Variants in SLC6A6 observed in about 807,000 individuals in gnomAD.
SLC6A6 encodes the protein sodium- and chloride-dependent taurine transporter.
Under a neutral mutation model 68.8 loss-of-function variants are expected in SLC6A6, and 16 were observed. The observed-to-expected ratio is 0.23, with a 90% CI of 0.16 to 0.35. The LOEUF (loss-of-function observed/expected upper bound fraction) is 0.35, where lower values mean the gene tolerates loss of function less well. Ranked by LOEUF, SLC6A6 falls within the 10% of genes least tolerant of loss-of-function variation. The pLI, the probability that SLC6A6 is intolerant of heterozygous loss-of-function variation, is 1.00. For synonymous variants in SLC6A6, 312 were observed against 315.4 expected (o/e 0.99, Z 0.12); for missense variants, 474 against 802.8 (o/e 0.59, Z 4.95).
rs112323461 is a variant in SLC6A6 at position 14,469,807 on chromosome 3, C to T, written c.1096+1595C>T. On this transcript the variant is annotated intron_variant, in intron 9 of 14. Coordinates refer to ENST00000622186, the MANE Select transcript of SLC6A6 (RefSeq NM_003043.6). ...ACACTGCCCAGCCCCATCCTGAGAC[C>T]CCTGACAACACTGCAGGACCCCCTT... Among the ~76,000 whole-genome samples, 543 of 152,234 alleles carry T rather than the reference C, an allele frequency of 3.6e-3. 3 individuals are homozygous for T. The highest frequency in any genetic ancestry group is 0.013 in the African/African-American group (525 of 41,518).
At chr3:14,403,790 A>G (rs371750854) in intron 1 of SLC6A6, among the ~76,000 whole-genome samples, 13 of 152,350 alleles carry the variant, frequency 8.5e-5, no homozygotes, top group African/African-American at 2.6e-4. Flanking sequence ...GAAGCCACAC[A>G]GAGAGAATTC....
chr3:14,407,050 C>G (rs1699125657), intron 1 of SLC6A6, among the ~76,000 whole-genome samples: 1 of 105,264 alleles, frequency 9.5e-6, no homozygotes, highest in Non-Finnish European at 2.2e-5. Context: ...TAAAGTTTTT[C>G]TTGTGGTTTT....
intron 2 of SLC6A6, among the ~76,000 whole-genome samples, chr3:14,442,572 C>T (rs143762050): frequency 9.8e-5 from 15 of 152,336 alleles, no homozygotes; most frequent in East Asian, 9.6e-4. Context: ...TCTGCACAGA[C>T]GGCCACACTG....
At chr3:14,412,404 G>T (rs1699270542) in intron 1 of SLC6A6, among the ~76,000 whole-genome samples, 1 of 152,206 alleles carries the variant, frequency 6.6e-6, no homozygotes, top group African/African-American at 2.4e-5. Context: ...ACTCGTCCAG[G>T]TGTGGTGGCT....
At chr3:14,434,894 AAGG>A (rs1439468791) in intron 2 of SLC6A6, among the ~76,000 whole-genome samples, 2 of 152,162 alleles carry the variant, frequency 1.3e-5, no homozygotes, top group Admixed American at 1.3e-4. Flanking sequence ...TGCCACTTCC[AAGG>A]AGATGATAAA....
intron 5 of SLC6A6, among the ~76,000 whole-genome samples, chr3:14,454,378 G>A (rs1353969697): frequency 1.3e-5 from 2 of 152,078 alleles, no homozygotes; most frequent in East Asian, 1.9e-4. Flanking sequence ...GCGCCATGGC[G>A]TTCCCTCGGC....
intron 2 of SLC6A6, among the ~76,000 whole-genome samples, chr3:14,442,311 C>T (rs560466488): frequency 1.3e-5 from 2 of 152,380 alleles, no homozygotes; most frequent in Admixed American, 1.3e-4. Flanking sequence ...CTGCTTGGCT[C>T]TGAGTCAGCC....
chr3:14,420,754 G>A (rs1699467283), intron 2 of SLC6A6, among the ~76,000 whole-genome samples: 1 of 152,116 alleles, frequency 6.6e-6, no homozygotes, highest in Non-Finnish European at 1.5e-5. Context: ...AAAGTTCTGG[G>A]ATTACAGGCA....
chr3:14,458,548 A>G (rs1388340525), intron 6 of SLC6A6, among the ~76,000 whole-genome samples: 1 of 152,250 alleles, frequency 6.6e-6, no homozygotes, highest in Non-Finnish European at 1.5e-5. Context: ...AGAGGGGGCC[A>G]CAAGCATTCC....
At chr3:14,469,909 C>T (rs996293159) in intron 9 of SLC6A6, among the ~76,000 whole-genome samples, 2 of 152,186 alleles carry the variant, frequency 1.3e-5, no homozygotes, top group African/African-American at 4.8e-5. Context: ...GTACTGTTCC[C>T]TCCACTGAGC....
intron 2 of SLC6A6, among the ~76,000 whole-genome samples, chr3:14,432,319 C>G (rs558165358): frequency 6.6e-6 from 1 of 152,362 alleles, no homozygotes; most frequent in South Asian, 2.1e-4. Context: ...GGCTCATGGT[C>G]TACCCTACCC....
At chr3:14,437,994 A>ATTTTTTTTT (rs34038422) in intron 2 of SLC6A6, among the ~76,000 whole-genome samples, 169 of 118,258 alleles carry the variant, frequency 1.4e-3, no homozygotes, top group East Asian at 3.8e-3. Flanking sequence ...CATCTGGCTA[A>ATTTTTTTTT]TTTTTTTTTT....
rs1338494803 is a variant in SLC6A6 at position 14,457,984 on chromosome 3, C to T, written c.634C>T (p.His212Tyr). ...GCTGAGCTTGTCCCCTGGAATCGAC[C>T]ACCCAGGCTCTCTGAAATGGGACCT... ...NVLSLSPGID[H>Y]PGSLKWDLAL... The change falls in exon 6 of 15, where the codon CAC becomes TAC. Residue 212 changes from histidine (H) to tyrosine (Y), a missense_variant. Around this residue, in one of 2 missense-constraint regions of SLC6A6, gnomAD observed 280 missense variants for 533.1 expected, o/e 0.53. Coordinates refer to ENST00000622186, the MANE Select transcript of SLC6A6 (RefSeq NM_003043.6). 1.2e-6 allele frequency: 2 copies of T among 1,614,022 alleles called. No homozygotes were observed. The highest frequency in any genetic ancestry group is 1.7e-6 in the Non-Finnish European group (2 of 1,179,844).
At position 14,472,168 on chromosome 3, in the gene SLC6A6, C is replaced by A; in HGVS notation, c.1097-37C>A. On this transcript the variant is annotated intron_variant, in intron 9 of 14. Transcript: ENST00000622186. The surrounding 1 kb of genome is among the most constrained non-coding windows in gnomAD (Gnocchi z 4.5). ...CCAGTGGCTTGGTGGCTGATGTCTC[C>A]TCCCCTGTGCCCCTCCCCGTTTTCT... is the stretch of plus-strand genomic sequence containing the variant. 1 of 1,314,880 alleles carries A rather than the reference C, an allele frequency of 7.6e-7. No homozygotes were observed. The highest frequency in any genetic ancestry group is 1.1e-6 in the Non-Finnish European group (1 of 908,044). The allele number at this position is 1,314,880 out of a possible 1,614,324, so 81.5% of individuals were successfully genotyped here.
chr3:14,429,698 C>T (rs1699680247), intron 2 of SLC6A6, among the ~76,000 whole-genome samples: 1 of 152,192 alleles, frequency 6.6e-6, no homozygotes, highest in Non-Finnish European at 1.5e-5. Flanking sequence ...AAAATTCAGT[C>T]AGTAGGGCTG....
At chr3:14,476,551 AT>A (rs940761569) in intron 10 of SLC6A6, among the ~76,000 whole-genome samples, 2 of 152,200 alleles carry the variant, frequency 1.3e-5, no homozygotes, top group African/African-American at 4.8e-5. Flanking sequence ...AAGTCCTCTC[AT>A]GGGCTTGTGA....
At position 14,468,300 on chromosome 3, in the gene SLC6A6, G is replaced by C. The variant is rs1700666931; in HGVS notation, c.1096+88G>C. 1 of 1,183,584 alleles carries C rather than the reference G, an allele frequency of 8.4e-7. No homozygotes were observed. Among genetic ancestry groups the C allele is most frequent in the African/African-American group, 1.6e-5 (1 of 63,472 alleles). 73.3% of individuals were successfully genotyped at this position (1,183,584 alleles called of 1,614,324 possible). A position where few individuals can be genotyped will look rare whatever the true frequency, so the allele number is the denominator to read the frequency against. ...CAGGCATGAAGCCAGACCCCAGGGG[G>C]CTTTGAGGGGGGACGAGCCTGGTTT... On this transcript the variant is annotated intron_variant, in intron 9 of 14. Transcript: ENST00000622186. This position sits in a 1 kb window ranked among gnomAD's most constrained non-coding sequence, Gnocchi z 4.5.
At chr3:14,438,155 T>C (rs1699902743) in intron 2 of SLC6A6, among the ~76,000 whole-genome samples, 1 of 152,098 alleles carries the variant, frequency 6.6e-6, no homozygotes, top group Non-Finnish European at 1.5e-5. Flanking sequence ...CACTTTTTCT[T>C]TTTTTAAAAC....
In SLC6A6 at chr3:14,450,695, C is replaced by T. The variant is rs1201374330; in HGVS notation, c.599+2879C>T. Among the ~76,000 whole-genome samples the T allele has an allele frequency of 6.6e-6, 1 of 152,164 alleles. No individual in the cohort carries two copies. Among genetic ancestry groups the T allele is most frequent in the African/African-American group, 2.4e-5 (1 of 41,424 alleles). On this transcript the variant is annotated intron_variant, in intron 5 of 14. Coordinates refer to ENST00000622186, the MANE Select transcript of SLC6A6 (RefSeq NM_003043.6). This position sits in a 1 kb window ranked among gnomAD's most constrained non-coding sequence, Gnocchi z 4.1. Reference sequence around the variant, plus strand: ...TGTGACCTGCCTTCACAGCACAGGCCGAGGCCAGAGAGCTACACCAGGGGA... The same window carrying T: ...TGTGACCTGCCTTCACAGCACAGGCTGAGGCCAGAGAGCTACACCAGGGGA...
Sources: gnomAD v4.1 joint callset for allele counts (sites outside exome capture counted in the v4.1 genomes callset) on GRCh38, gnomAD v4.1.1 for gene constraint, gnomAD v4.1.1 regional missense constraint, Gnocchi (gnomAD v3.1) non-coding constraint, MANE v1.5 for transcripts, NCBI Gene and HGNC (gene_info 2026-07-23, HGNC 2026-07-21) for gene names.